The following RGL2 variants were observed in gnomAD, a reference collection of about 807,000 sequenced individuals.
RGL2 encodes ral guanine nucleotide dissociation stimulator-like 2.
In RGL2, 40 loss-of-function variants were observed where a neutral mutation model predicts 84.6. The ratio of observed to expected loss-of-function variants is 0.47; its 90% CI spans 0.37 to 0.62. RGL2 has a LOEUF of 0.62. RGL2 is among the 20% of genes least tolerant of loss of function. The probability of loss-of-function intolerance (pLI) is 0.00; values close to 1 mark genes in which losing one functional copy is unlikely to be tolerated. For synonymous variants in RGL2, 369 were observed against 417.3 expected (o/e 0.88, Z 1.41); for missense variants, 865 against 1,019.7 (o/e 0.85, Z 2.07).
In RGL2 at chr6:33,295,879, C is replaced by T. The variant is rs759081268; in HGVS notation, c.769-120G>A. ...GAGGGGCACAGGGTTTGAAGGGTAA[C>T]GACCAAAGGGAAAAGGGGAGAATCA... On this transcript the variant is annotated intron_variant, in intron 6 of 17. Transcript: ENST00000497454. This position sits in a 1 kb window ranked among gnomAD's most constrained non-coding sequence, Gnocchi z 7.2. 6 of 1,443,910 alleles carry T rather than the reference C, an allele frequency of 4.2e-6. No individual in the cohort carries two copies. Among genetic ancestry groups the T allele is most frequent in the Admixed American group, 3.7e-5 (2 of 54,212 alleles). 89.4% of individuals were successfully genotyped at this position (1,443,910 alleles called of 1,614,324 possible).
Position 33,294,205 on chromosome 6 carries a change from C to T in RGL2, c.1354-139G>A. 1 of 992,964 alleles carries T rather than the reference C, an allele frequency of 1.0e-6. No individual in the cohort carries two copies. The highest frequency in any genetic ancestry group is 1.5e-6 in the Non-Finnish European group (1 of 669,562). The allele number at this position is 992,964 out of a possible 1,614,324, so 61.5% of individuals were successfully genotyped here. ...TCCAGCCTCTCTGACTCTTCGATCC[C>T]TCCCTGCCTTCCTCCTCAATCTATC... On this transcript the variant is annotated intron_variant, in intron 11 of 17. Transcript: ENST00000497454. This position sits in a 1 kb window ranked among gnomAD's most constrained non-coding sequence, Gnocchi z 5.0.
chr6:33,296,614 C>A lies in RGL2; in HGVS notation c.403G>T (p.Gly135Trp). 1 of 1,613,600 alleles carries A rather than the reference C, an allele frequency of 6.2e-7. No individual in the cohort carries two copies. Among genetic ancestry groups the A allele is most frequent in the Non-Finnish European group, 8.5e-7 (1 of 1,179,836 alleles). The part of the protein sequence containing the change: ...RAFTSTPALL[G>W]LMADRLEALE... ...GACTCTGACCTGTCAGCCATAAGCC[C>A]TAGCAAGGCAGGCGTGGAGGTGAAG... Residue 135 changes from glycine (G) to tryptophan (W), a missense_variant, in exon 4 of 18, where the codon GGG (glycine) becomes TGG (tryptophan). Around this residue, in one of 5 missense-constraint regions of RGL2, gnomAD observed 455 missense variants for 507.8 expected, o/e 0.90. Transcript: ENST00000497454. The surrounding 1 kb of genome is among the most constrained non-coding windows in gnomAD (Gnocchi z 5.0).
rs375685824 is a variant in RGL2, at chr6:33,293,704, G to A, written c.1509-5C>T. ...ACCTCACAGGATACACGATGGCTGGGTTAGGGGGGCAATAGGCAGAGCTCA... is the reference window on the plus strand; with the variant it reads ...ACCTCACAGGATACACGATGGCTGGATTAGGGGGGCAATAGGCAGAGCTCA... On this transcript the variant is annotated splice_region_variant and splice_polypyrimidine_tract_variant and intron_variant, in intron 13 of 17. Transcript: ENST00000497454. This position sits in a 1 kb window ranked among gnomAD's most constrained non-coding sequence, Gnocchi z 7.0. The A allele has an allele frequency of 1.7e-5, 27 of 1,614,010 alleles. No homozygotes were observed. The South Asian group carries it at 2.6e-4, about 16-fold the overall frequency.
rs769677568 is a variant in RGL2, at chr6:33,296,860, G to A, written c.241-84C>T. On this transcript the variant is annotated intron_variant, in intron 3 of 17. Transcript: ENST00000497454. This position sits in a 1 kb window ranked among gnomAD's most constrained non-coding sequence, Gnocchi z 5.0. ...GAGGACAATCCCAGACCCAGGAGAT[G>A]TTCCAGACTCATTTTTCTGATATTC... The A allele has an allele frequency of 4.5e-6, 7 of 1,573,006 alleles. No individual in the cohort carries two copies. The South Asian group carries it at 6.7e-5, about 15-fold the overall frequency.
chr6:33,294,730 C>T lies in RGL2; in HGVS notation c.1311G>A (p.Lys437=), dbSNP rs377637537. 105 of 1,613,972 alleles carry T rather than the reference C, an allele frequency of 6.5e-5. No individual in the cohort carries two copies. The highest frequency in any genetic ancestry group is 1.6e-4 in the Middle Eastern group (1 of 6,084). Reference sequence around the variant, plus strand: ...AGGCTGCATCCAGCATCACAAGGTCCTTCAGGAAGGTGCCAAGGTATGGGA... The same window carrying T: ...AGGCTGCATCCAGCATCACAAGGTCTTTCAGGAAGGTGCCAAGGTATGGGA... The part of the protein sequence containing the change: ...GVVPYLGTFL[K]DLVMLDAASK... The change falls in exon 11 of 18, where the codon AAG becomes AAA. Residue 437 remains lysine, a synonymous_variant. Transcript: ENST00000497454. This position sits in a 1 kb window ranked among gnomAD's most constrained non-coding sequence, Gnocchi z 5.0.
Position 33,294,927 on chromosome 6 carries a change from A to AC in RGL2, c.1278+49dup. On this transcript the variant is annotated intron_variant, in intron 10 of 17. Transcript: ENST00000497454. The surrounding 1 kb of genome is among the most constrained non-coding windows in gnomAD (Gnocchi z 5.0). ...GCTGCTCCCCCAAAACATACTCCTC[A>AC]CCCCTTCATAATCACCACCCCCACG... is the stretch of plus-strand genomic sequence containing the variant. 1 of 1,537,082 alleles carries AC rather than the reference A, an allele frequency of 6.5e-7. No homozygotes were observed. The highest frequency in any genetic ancestry group is 2.4e-5 in the East Asian group (1 of 40,830).
At position 33,295,437 on chromosome 6, in the gene RGL2, GAA is replaced by G. The variant is rs779349689; in HGVS notation, c.1021-17_1021-16del. 3 of 1,613,198 alleles carry G rather than the reference GAA, an allele frequency of 1.9e-6. No individual in the cohort carries two copies. The South Asian group carries it at 3.3e-5, about 18-fold the overall frequency. On this transcript the variant is annotated splice_polypyrimidine_tract_variant and intron_variant, in intron 7 of 17. Coordinates refer to ENST00000497454, the MANE Select transcript of RGL2 (RefSeq NM_004761.5). This position sits in a 1 kb window ranked among gnomAD's most constrained non-coding sequence, Gnocchi z 7.2. The stretch of plus-strand genomic sequence containing the variant: ...AGCCGGCACTCCTGTGGGGGTCAAA[GAA>G]GAGAGCTAAGGCTATGGGAGGCCTC...
In RGL2 at chr6:33,295,100, T is replaced by C; in HGVS notation, c.1209+27A>G. On this transcript the variant is annotated intron_variant, in intron 9 of 17. Transcript: ENST00000497454. The surrounding 1 kb of genome is among the most constrained non-coding windows in gnomAD (Gnocchi z 7.2). ...GGGAGCAGTAGGGAACAAGGAGAGG[T>C]GGGAATGCCACAAACCAGGCTCTCA... is the stretch of plus-strand genomic sequence containing the variant. 1 of 1,600,038 alleles carries C rather than the reference T, an allele frequency of 6.2e-7. No individual in the cohort carries two copies. The highest frequency in any genetic ancestry group is 2.2e-5 in the East Asian group (1 of 44,456).
chr6:33,296,904 G>C lies in RGL2; in HGVS notation c.240+128C>G. On this transcript the variant is annotated intron_variant, in intron 3 of 17. Coordinates refer to ENST00000497454, the MANE Select transcript of RGL2 (RefSeq NM_004761.5). The surrounding 1 kb of genome is among the most constrained non-coding windows in gnomAD (Gnocchi z 5.0). Reference sequence around the variant, plus strand: ...GATATTCAGAGAGGGCAAGAGTCTTGGCCTATGTCACACAGCAGAGTCCAG... The same window carrying C: ...GATATTCAGAGAGGGCAAGAGTCTTCGCCTATGTCACACAGCAGAGTCCAG... 2 of 1,491,224 alleles carry C rather than the reference G, an allele frequency of 1.3e-6. No homozygotes were observed. Among genetic ancestry groups the C allele is most frequent in the Non-Finnish European group, 1.9e-6 (2 of 1,069,872 alleles). 92.4% of individuals were successfully genotyped at this position (1,491,224 alleles called of 1,614,324 possible).
chr6:33,295,931 C>G lies in RGL2; in HGVS notation c.768+97G>C. 1 of 1,505,252 alleles carries G rather than the reference C, an allele frequency of 6.6e-7. No individual in the cohort carries two copies. The allele number at this position is 1,505,252 out of a possible 1,614,324, so 93.2% of individuals were successfully genotyped here. A position where few individuals can be genotyped will look rare whatever the true frequency, so the allele number is the denominator to read the frequency against. On this transcript the variant is annotated intron_variant, in intron 6 of 17. Coordinates refer to ENST00000497454, the MANE Select transcript of RGL2 (RefSeq NM_004761.5). This position sits in a 1 kb window ranked among gnomAD's most constrained non-coding sequence, Gnocchi z 7.2. ...AATGGTAGGTGGAGGAGGCTAGGAG[C>G]TGGATCAGGAAGGGGTGGAAGCAAG...
rs1176667774 is a variant in RGL2 at position 33,296,885 on chromosome 6, C to T, written c.241-109G>A. 2 of 1,529,140 alleles carry T rather than the reference C, an allele frequency of 1.3e-6. No homozygotes were observed. The highest frequency in any genetic ancestry group is 2.7e-5 in the African/African-American group (2 of 73,052). 94.7% of individuals were successfully genotyped at this position (1,529,140 alleles called of 1,614,324 possible). A position where few individuals can be genotyped will look rare whatever the true frequency, so the allele number is the denominator to read the frequency against. Reference sequence around the variant, plus strand: ...GTTCCAGACTCATTTTTCTGATATTCAGAGAGGGCAAGAGTCTTGGCCTAT... The same window carrying T: ...GTTCCAGACTCATTTTTCTGATATTTAGAGAGGGCAAGAGTCTTGGCCTAT... On this transcript the variant is annotated intron_variant, in intron 3 of 17. Coordinates refer to ENST00000497454, the MANE Select transcript of RGL2 (RefSeq NM_004761.5). The surrounding 1 kb of genome is among the most constrained non-coding windows in gnomAD (Gnocchi z 5.0).
chr6:33,298,424 C>G lies in RGL2; in HGVS notation c.156+31G>C, dbSNP rs1444506404. 1.6e-6 allele frequency: 2 copies of G among 1,227,572 alleles called. No homozygotes were observed. The highest frequency in any genetic ancestry group is 2.3e-5 in the Admixed American group (1 of 43,452). 76.0% of individuals were successfully genotyped at this position (1,227,572 alleles called of 1,614,324 possible). On this transcript the variant is annotated intron_variant, in intron 2 of 17. Transcript: ENST00000497454. This position sits in a 1 kb window ranked among gnomAD's most constrained non-coding sequence, Gnocchi z 4.8. Reference sequence around the variant, plus strand: ...AAAGTGGAGACTTCAGAAATACATACGCCCCCTACCTCCCACCACCCGCGT... The same window carrying G: ...AAAGTGGAGACTTCAGAAATACATAGGCCCCCTACCTCCCACCACCCGCGT...
Position 33,298,557 on chromosome 6 carries a change from G to T in RGL2, c.54C>A (p.Val18=). The T allele has an allele frequency of 6.7e-7, 1 of 1,484,956 alleles. No homozygotes were observed. The highest frequency in any genetic ancestry group is 8.9e-7 in the Non-Finnish European group (1 of 1,118,482). 92.0% of individuals were successfully genotyped at this position (1,484,956 alleles called of 1,614,324 possible). The change falls in exon 2 of 18, where the codon GTC becomes GTA. Residue 18 remains valine, a synonymous_variant. Coordinates refer to ENST00000497454, the MANE Select transcript of RGL2 (RefSeq NM_004761.5). This position sits in a 1 kb window ranked among gnomAD's most constrained non-coding sequence, Gnocchi z 4.8. ...CCCGGCTTCGGAAGCTGCTCAGTACGACTCCCCCGGGGGGGCTCGTGTCCA... is the reference window on the plus strand; with the variant it reads ...CCCGGCTTCGGAAGCTGCTCAGTACTACTCCCCCGGGGGGGCTCGTGTCCA... ...LLLDTSPPGG[V]VLSSFRSRDP... is the part of the protein sequence containing the mutation.
chr6:33,294,184 G>T lies in RGL2; in HGVS notation c.1354-118C>A. 1 of 1,249,084 alleles carries T rather than the reference G, an allele frequency of 8.0e-7. No individual in the cohort carries two copies. The highest frequency in any genetic ancestry group is 1.1e-6 in the Non-Finnish European group (1 of 888,474). The allele number at this position is 1,249,084 out of a possible 1,614,324, so 77.4% of individuals were successfully genotyped here. A position where few individuals can be genotyped will look rare whatever the true frequency, so the allele number is the denominator to read the frequency against. On this transcript the variant is annotated intron_variant, in intron 11 of 17. Transcript: ENST00000497454. This position sits in a 1 kb window ranked among gnomAD's most constrained non-coding sequence, Gnocchi z 5.0. ...TCCAACTCACAACCACTTCCCTCCA[G>T]CCTCTCTGACTCTTCGATCCCTCCC...
In RGL2 at chr6:33,295,044, T is replaced by G; in HGVS notation, c.1211A>C (p.Glu404Ala). 1 of 1,579,094 alleles carries G rather than the reference T, an allele frequency of 6.3e-7. No homozygotes were observed. Among genetic ancestry groups the G allele is most frequent in the Non-Finnish European group, 8.6e-7 (1 of 1,161,766 alleles). ...CTCCAGAGGAGACTGCAGCTTCACCTCCTGGTGGTGACAAAATAAAAGAGA... is the reference window on the plus strand; with the variant it reads ...CTCCAGAGGAGACTGCAGCTTCACCGCCTGGTGGTGACAAAATAAAAGAGA... ...YSQSRELLVQEVKLQSPLEPH... is the reference protein window; with the variant it reads ...YSQSRELLVQAVKLQSPLEPH... The change falls in exon 10 of 18, where the codon GAG becomes GCG. Residue 404 changes from glutamate to alanine, a missense_variant and splice_region_variant. Around this residue, in one of 5 missense-constraint regions of RGL2, gnomAD observed 455 missense variants for 507.8 expected, o/e 0.90. Coordinates refer to ENST00000497454, the MANE Select transcript of RGL2 (RefSeq NM_004761.5). This position sits in a 1 kb window ranked among gnomAD's most constrained non-coding sequence, Gnocchi z 7.2.
At chr6:33,301,087 T>G (rs879732228), upstream of RGL2, 1 of 152,356 alleles carries the variant, frequency 6.6e-6, no homozygotes, top group Non-Finnish European at 1.5e-5. Flanking sequence ...TGTGTGCCTA[T>G]GTATTCTCGT....
At position 33,295,910 on chromosome 6, in the gene RGL2, G is replaced by C; in HGVS notation, c.768+118C>G. The C allele has an allele frequency of 1.4e-6, 2 of 1,443,230 alleles. No homozygotes were observed. The highest frequency in any genetic ancestry group is 1.2e-5 in the South Asian group (1 of 81,210). The allele number at this position is 1,443,230 out of a possible 1,614,324, so 89.4% of individuals were successfully genotyped here. A position where few individuals can be genotyped will look rare whatever the true frequency, so the allele number is the denominator to read the frequency against. The stretch of plus-strand genomic sequence containing the variant: ...AAGGGAAAAGGGGAGAATCAAAATG[G>C]TAGGTGGAGGAGGCTAGGAGCTGGA... On this transcript the variant is annotated intron_variant, in intron 6 of 17. Coordinates refer to ENST00000497454, the MANE Select transcript of RGL2 (RefSeq NM_004761.5). The surrounding 1 kb of genome is among the most constrained non-coding windows in gnomAD (Gnocchi z 7.2).
At position 33,295,804 on chromosome 6, in the gene RGL2, T is replaced by A. The variant is rs776189209; in HGVS notation, c.769-45A>T. On this transcript the variant is annotated intron_variant, in intron 6 of 17. Transcript: ENST00000497454. This position sits in a 1 kb window ranked among gnomAD's most constrained non-coding sequence, Gnocchi z 7.2. ...GGTTAAAGTTCATAGTCAAGTGAGGTCAGCCTTCCAATATCAGGGATCTGA... is the reference window on the plus strand; with the variant it reads ...GGTTAAAGTTCATAGTCAAGTGAGGACAGCCTTCCAATATCAGGGATCTGA... The A allele has an allele frequency of 1.3e-6, 2 of 1,584,264 alleles. No homozygotes were observed. Among genetic ancestry groups the A allele is most frequent in the South Asian group, 2.3e-5 (2 of 87,774 alleles).
At chr6:33,292,353 TG>T (rs751862753) in intron 17 of RGL2, 40 bp from the exon 18 acceptor site, 13 of 1,609,988 alleles carry the variant, frequency 8.1e-6, no homozygotes, top group Non-Finnish European at 1.1e-5. Flanking sequence ...CACACACAGT[TG>T]TTCCCCCCAC....
Sources: allele counts gnomAD v4.1 joint callset, GRCh38; gene constraint gnomAD v4.1.1; regional missense constraint gnomAD v4.1.1; non-coding constraint Gnocchi (gnomAD v3.1); transcripts MANE v1.5; gene names NCBI Gene and HGNC (gene_info 2026-07-23, HGNC 2026-07-21).